The following CDH12 variants were observed in gnomAD, a reference collection of about 807,000 sequenced individuals.
CDH12 encodes cadherin 12, also known as cadherin-12.
CDH12 carries 41 observed loss-of-function variants against 74.1 expected under a neutral mutation model. That is an observed-to-expected ratio of 0.55 (90% CI 0.43 to 0.72). CDH12 has a LOEUF of 0.72. Ranked by LOEUF, CDH12 falls within the 30% of genes least tolerant of loss-of-function variation. The pLI is 0.00. For missense variants in CDH12, 945 were observed against 977.2 expected, an observed-to-expected ratio of 0.97 and a Z score of 0.44; for synonymous variants, 399 against 355.0, an observed-to-expected ratio of 1.12 and a Z score of -1.39.
chr5:22,655,041 C>T (rs1739964044), intron 1 of CDH12, among the ~76,000 whole-genome samples: 1 of 152,190 alleles, frequency 6.6e-6, no homozygotes, highest in African/African-American at 2.4e-5. Context: ...CTTATCTACC[C>T]TCACTTCCCT....
At chr5:21,999,807 C>T (rs1353010056) in intron 5 of CDH12, among the ~76,000 whole-genome samples, 1 of 151,314 alleles carries the variant, frequency 6.6e-6, no homozygotes, top group East Asian at 1.9e-4. Flanking sequence ...TAGAATATCA[C>T]TTAAATGCAT....
At chr5:21,849,387 G>T (rs887194196) in intron 7 of CDH12, among the ~76,000 whole-genome samples, 13 of 151,792 alleles carry the variant, frequency 8.6e-5, no homozygotes, top group African/African-American at 3.1e-4. Context: ...TGACAATGCA[G>T]AATACAAGAA....
At chr5:22,760,974 C>T (rs539500479) in intron 1 of CDH12, among the ~76,000 whole-genome samples, 2 of 152,242 alleles carry the variant, frequency 1.3e-5, no homozygotes, top group South Asian at 4.1e-4. Context: ...AAATACTCTC[C>T]ATCACTCATG....
At chr5:22,218,313 A>G (rs185055927) in intron 3 of CDH12, among the ~76,000 whole-genome samples, 54 of 151,786 alleles carry the variant, frequency 3.6e-4, no homozygotes, top group Non-Finnish European at 1.0e-4. Flanking sequence ...ATTAGTCACA[A>G]TGGCTCCAAA....
rs1471464905 is a variant in CDH12 at position 21,760,594 on chromosome 5, C to T, written c.1597G>A (p.Ala533Thr). The change falls in exon 13 of 15, where the codon GCT becomes ACT. Residue 533 changes from alanine (A) to threonine (T), a missense_variant. Physicochemically the swap from Ala to Thr is moderately conservative, Grantham distance 58. Around this residue, in one of 3 missense-constraint regions of CDH12, gnomAD observed 791 missense variants for 792.8 expected, o/e 1.00. Transcript: ENST00000382254. ...QFSFRLSPEA[A>T]IKPNFTVRDF... ...CGAACTGTAAAATTTGGTTTGATAG[C>T]AGCCTCAGGTGATAATCTAAAGGAG... 4 of 1,609,630 alleles carry T rather than the reference C, an allele frequency of 2.5e-6. No individual in the cohort carries two copies. The highest frequency in any genetic ancestry group is 3.4e-6 in the Non-Finnish European group (4 of 1,176,704).
intron 5 of CDH12, among the ~76,000 whole-genome samples, chr5:22,047,606 AG>A (rs946923796): frequency 6.6e-6 from 1 of 152,010 alleles, no homozygotes; most frequent in Non-Finnish European, 1.5e-5. Flanking sequence ...TAGGTAAAGG[AG>A]ATTTTAAAGC....
chr5:22,059,253 C>CTCTATCTATCTATCTA (rs11438319), intron 5 of CDH12, among the ~76,000 whole-genome samples: 82 of 144,312 alleles, frequency 5.7e-4, no homozygotes, highest in South Asian at 1.4e-3. Context: ...TTTCCTTGTA[C>CTCTATCTATCTATCTA]TCTATCTATC....
intron 1 of CDH12, among the ~76,000 whole-genome samples, chr5:22,698,735 A>AGTGTGTGTGT (rs374493879): frequency 6.9e-5 from 1 of 14,524 alleles, no homozygotes; most frequent in African/African-American, 2.7e-4. Flanking sequence ...ATATATATAT[A>AGTGTGTGTGT]GTGTGTGTGT....
intron 5 of CDH12, among the ~76,000 whole-genome samples, chr5:22,046,414 A>G (rs888646688): frequency 6.8e-6 from 1 of 146,148 alleles, no homozygotes; most frequent in Non-Finnish European, 1.5e-5. Context: ...TGAGAAAGTC[A>G]CTGGTCATTT....
At chr5:21,996,785 T>A (rs1405004458) in intron 5 of CDH12, among the ~76,000 whole-genome samples, 1 of 152,198 alleles carries the variant, frequency 6.6e-6, no homozygotes, top group African/African-American at 2.4e-5. Flanking sequence ...GTAAATGTGT[T>A]ACCGCATTTA....
chr5:22,122,286 C>T (rs1018406407), intron 4 of CDH12, among the ~76,000 whole-genome samples: 3 of 151,986 alleles, frequency 2.0e-5, no homozygotes, highest in African/African-American at 4.8e-5. Context: ...TCCTGTAATC[C>T]CAGCTACTTG....
intron 1 of CDH12, among the ~76,000 whole-genome samples, chr5:22,515,815 T>G (rs544879106): frequency 1.6e-4 from 24 of 152,224 alleles, no homozygotes; most frequent in African/African-American, 5.3e-4. Context: ...ATACAAAATA[T>G]AGTAAAATAT....
At chr5:21,818,141 C>T (rs554762472) in intron 8 of CDH12, among the ~76,000 whole-genome samples, 2 of 151,806 alleles carry the variant, frequency 1.3e-5, no homozygotes, top group Non-Finnish European at 2.9e-5. Flanking sequence ...CAAAACTAAA[C>T]ACCAAAATCT....
chr5:21,784,911 T>G (rs1746117022), intron 10 of CDH12, among the ~76,000 whole-genome samples: 1 of 152,178 alleles, frequency 6.6e-6, no homozygotes, highest in Non-Finnish European at 1.5e-5. Flanking sequence ...CAGGTATACC[T>G]TATTTCATGG....
At chr5:22,308,956 GGA>G (rs543803749) in intron 3 of CDH12, among the ~76,000 whole-genome samples, 9 of 81,568 alleles carry the variant, frequency 1.1e-4, no homozygotes, top group African/African-American at 2.8e-4. Context: ...AGGAGAGAGA[GGA>G]GAGAGAGAGA....
At chr5:22,320,833 C>T (rs773121915) in intron 3 of CDH12, among the ~76,000 whole-genome samples, 5 of 152,126 alleles carry the variant, frequency 3.3e-5, no homozygotes, top group Non-Finnish European at 7.4e-5. Context: ...ACTGTGAGCT[C>T]CAGGCTAGTG....
chr5:22,626,155 G>A (rs1333567788), intron 1 of CDH12, among the ~76,000 whole-genome samples: 1 of 152,058 alleles, frequency 6.6e-6, no homozygotes, highest in Non-Finnish European at 1.5e-5. Context: ...CCAACATGTG[G>A]GCACTCTGCC....
At chr5:22,593,564 T>TAA (rs544357993) in intron 1 of CDH12, among the ~76,000 whole-genome samples, 85 of 152,322 alleles carry the variant, frequency 5.6e-4, no homozygotes, top group African/African-American at 1.9e-3. Flanking sequence ...TCTCATGTTT[T>TAA]AAAAAATTAC....
rs182266536 is a variant in CDH12, at chr5:21,986,656, A to G, written c.232-11271T>C. ...TGGAATCTCTATTTTGAATAACAGT[A>G]AATTTGATGTATCATTTCAAACAAT... On this transcript the variant is annotated intron_variant, in intron 5 of 14. Coordinates refer to ENST00000382254, the MANE Select transcript of CDH12 (RefSeq NM_004061.5). 7.5e-3 allele frequency among the ~76,000 whole-genome samples: 1,135 copies of G among 152,288 alleles called. 13 individuals carry two copies. Among genetic ancestry groups the G allele is most frequent in the African/African-American group, 0.026 (1,063 of 41,578 alleles).
Sources: allele counts gnomAD v4.1 joint callset (sites outside exome capture counted in the v4.1 genomes callset), GRCh38; gene constraint gnomAD v4.1.1; regional missense constraint gnomAD v4.1.1; transcripts MANE v1.5; gene names NCBI Gene and HGNC (gene_info 2026-07-23, HGNC 2026-07-21).